ADAM12: variants seen among roughly 807,000 people sequenced by gnomAD.
The protein encoded by ADAM12 is disintegrin and metalloproteinase domain-containing protein 12.
A neutral mutation model predicts 106.4 loss-of-function variants in ADAM12; 70 were observed. The ratio of observed to expected loss-of-function variants is 0.66; its 90% CI spans 0.54 to 0.80. The LOEUF (loss-of-function observed/expected upper bound fraction) is 0.80, where lower values mean the gene tolerates loss of function less well. Among genes scored for constraint, ADAM12 ranks in the 30% least tolerant of loss-of-function variants. The pLI is 0.00. For missense variants in ADAM12, 1,010 were observed against 1,171.9 expected, an observed-to-expected ratio of 0.86 and a Z score of 2.02; for synonymous variants, 420 against 433.5, an observed-to-expected ratio of 0.97 and a Z score of 0.39.
chr10:126,220,183 G>A (rs570970292), intron 3 of ADAM12, among the ~76,000 whole-genome samples: 2 of 152,214 alleles, frequency 1.3e-5, no homozygotes, highest in African/African-American at 2.4e-5. Context: ...AATGTGAAAC[G>A]TGACTAGGGC....
chr10:126,333,155 C>T (rs1422327219), intron 1 of ADAM12, among the ~76,000 whole-genome samples: 1 of 152,208 alleles, frequency 6.6e-6, no homozygotes, highest in Non-Finnish European at 1.5e-5. Context: ...AAAATATCCT[C>T]CACATAAACG....
intron 1 of ADAM12, among the ~76,000 whole-genome samples, chr10:126,337,491 C>A (rs1225661801): frequency 6.6e-6 from 1 of 152,212 alleles, no homozygotes; most frequent in Non-Finnish European, 1.5e-5. Context: ...AGAAGGAAAT[C>A]AGAAGCCTCA....
rs796892864 is a variant in ADAM12, at chr10:126,321,835, T to C, written c.186+8577A>G. Among the ~76,000 whole-genome samples the C allele has an allele frequency of 1.2e-4, 18 of 149,078 alleles. 1 individual carries two copies. Among genetic ancestry groups the C allele is most frequent in the African/African-American group, 4.4e-4 (18 of 40,620 alleles). On this transcript the variant is annotated intron_variant, in intron 2 of 22. Transcript: ENST00000448723. Reference sequence around the variant, plus strand: ...AGGTAGCAGAGGAATATGCAAAGAATACTGGATTTCAAATCTGACAGGCCT... The same window carrying C: ...AGGTAGCAGAGGAATATGCAAAGAACACTGGATTTCAAATCTGACAGGCCT...
chr10:126,119,082 G>A (rs1956039629), intron 5 of ADAM12, among the ~76,000 whole-genome samples: 1 of 152,142 alleles, frequency 6.6e-6, no homozygotes, highest in African/African-American at 2.4e-5. Context: ...TGGGAGATGT[G>A]TGAATAAAGG....
chr10:126,049,539 C>G lies in ADAM12; in HGVS notation c.1718+22G>C, dbSNP rs1361143272. 6.2e-7 allele frequency: 1 copy of G among 1,613,852 alleles called. No individual in the cohort carries two copies. The stretch of plus-strand genomic sequence containing the variant: ...TGGGAAGGTCAGAGCAAAGACTTTG[C>G]CAGGATGTCTGGATTCCATACCTCA... On this transcript the variant is annotated intron_variant, in intron 15 of 22. Coordinates refer to ENST00000448723, the MANE Select transcript of ADAM12 (RefSeq NM_001288973.2). This position sits in a 1 kb window ranked among gnomAD's most constrained non-coding sequence, Gnocchi z 4.4.
intron 1 of ADAM12, among the ~76,000 whole-genome samples, chr10:126,349,039 A>T (rs1009954701): frequency 1.3e-5 from 2 of 152,206 alleles, no homozygotes; most frequent in African/African-American, 4.8e-5. Flanking sequence ...TCTAGTTTCA[A>T]AATTTGAAGT....
intron 21 of ADAM12, among the ~76,000 whole-genome samples, chr10:126,028,400 C>T (rs1953916138): frequency 6.6e-6 from 1 of 152,200 alleles, no homozygotes; most frequent in Non-Finnish European, 1.5e-5. Flanking sequence ...CATCACGCTA[C>T]CTGACTTCAA....
At chr10:126,182,082 A>G (rs2133785375) in intron 3 of ADAM12, among the ~76,000 whole-genome samples, 1 of 152,372 alleles carries the variant, frequency 6.6e-6, no homozygotes, top group Admixed American at 6.5e-5. Flanking sequence ...AACGCAGTGC[A>G]TCCCAGGAAG....
intron 3 of ADAM12, among the ~76,000 whole-genome samples, chr10:126,221,389 C>CAAAAA (rs35766891): frequency 2.0e-5 from 2 of 100,708 alleles, no homozygotes; most frequent in African/African-American, 3.7e-5. Context: ...GACTCTGTCT[C>CAAAAA]AAAAAAAAAA....
chr10:126,343,339 C>A (rs937259418), intron 1 of ADAM12, among the ~76,000 whole-genome samples: 2 of 152,146 alleles, frequency 1.3e-5, no homozygotes, highest in African/African-American at 4.8e-5. Context: ...TCATCCATGT[C>A]CCTACAAAGG....
chr10:126,066,578 C>A lies in ADAM12; in HGVS notation c.1413+139G>T, dbSNP rs893177956. 1 of 741,360 alleles carries A rather than the reference C, an allele frequency of 1.3e-6. No homozygotes were observed. Among genetic ancestry groups the A allele is most frequent in the East Asian group, 2.7e-5 (1 of 37,258 alleles). 45.9% of individuals were successfully genotyped at this position (741,360 alleles called of 1,614,324 possible). On this transcript the variant is annotated intron_variant, in intron 13 of 22. Coordinates refer to ENST00000448723, the MANE Select transcript of ADAM12 (RefSeq NM_001288973.2). The surrounding 1 kb of genome is among the most constrained non-coding windows in gnomAD (Gnocchi z 5.1). ...AACAGTAAGAGGTGGGTAACACCAA[C>A]TGGCGTGAGAAGGAGGGATGGTGCG...
intron 11 of ADAM12, among the ~76,000 whole-genome samples, chr10:126,089,296 A>G (rs1484903788): frequency 1.3e-5 from 2 of 152,178 alleles, no homozygotes; most frequent in Non-Finnish European, 2.9e-5. Context: ...ACCAAAAGAA[A>G]TATTTTACAT....
intron 11 of ADAM12, among the ~76,000 whole-genome samples, chr10:126,085,665 C>G (rs534089964): frequency 4.9e-4 from 74 of 152,116 alleles, no homozygotes; most frequent in Non-Finnish European, 9.0e-4. Flanking sequence ...TCTGTCCATC[C>G]GTCCATCCAT....
At chr10:126,361,425 G>GA (rs77189132) in intron 1 of ADAM12, among the ~76,000 whole-genome samples, 42,496 of 151,936 alleles carry the variant, frequency 0.28, 6,122 homozygotes, top group Middle Eastern at 0.33. Flanking sequence ...TATAGAAATA[G>GA]AAAAAACAAT....
At chr10:126,225,195 T>C (rs1428218801) in intron 3 of ADAM12, among the ~76,000 whole-genome samples, 1 of 152,226 alleles carries the variant, frequency 6.6e-6, no homozygotes, top group Non-Finnish European at 1.5e-5. Context: ...GCCCGACCCC[T>C]GGAAAGGGTG....
chr10:126,381,673 T>TC (rs898425693), intron 1 of ADAM12, among the ~76,000 whole-genome samples: 9 of 150,580 alleles, frequency 6.0e-5, no homozygotes, highest in Admixed American at 4.7e-4. Flanking sequence ...TTTTTGTATC[T>TC]TTTTTTTTAG....
intron 2 of ADAM12, among the ~76,000 whole-genome samples, chr10:126,304,747 T>C (rs6597760): frequency 0.74 from 112,238 of 151,780 alleles, 41,734 homozygotes; most frequent in Admixed American, 0.78. Flanking sequence ...GAACTGTTAA[T>C]CACCTTAACG....
chr10:126,221,662 T>A (rs958693536), intron 3 of ADAM12, among the ~76,000 whole-genome samples: 1 of 152,154 alleles, frequency 6.6e-6, no homozygotes, highest in Admixed American at 6.5e-5. Flanking sequence ...TTGCTACTCA[T>A]TCATTGTTCG....
intron 2 of ADAM12, among the ~76,000 whole-genome samples, chr10:126,320,879 C>T (rs752488009): frequency 6.6e-6 from 1 of 152,134 alleles, no homozygotes; most frequent in Non-Finnish European, 1.5e-5. Context: ...CCAAGGTATG[C>T]AGTATATAAA....
Sources: gnomAD v4.1 joint callset for allele counts (sites outside exome capture counted in the v4.1 genomes callset) on GRCh38, gnomAD v4.1.1 for gene constraint, Gnocchi (gnomAD v3.1) non-coding constraint, MANE v1.5 for transcripts, NCBI Gene and HGNC (gene_info 2026-07-23, HGNC 2026-07-21) for gene names.